Variants in PCDHGA5 observed in about 807,000 individuals in gnomAD.
PCDHGA5 encodes the protein protocadherin gamma subfamily A, 5, also known as protocadherin gamma-A5.
A neutral mutation model predicts 56.7 loss-of-function variants in PCDHGA5; 36 were observed. The observed-to-expected ratio is 0.64, with a 90% CI of 0.49 to 0.84. The LOEUF (loss-of-function observed/expected upper bound fraction) is 0.84. Among genes scored for constraint, PCDHGA5 ranks in the 40% least tolerant of loss-of-function variants. The probability of loss-of-function intolerance (pLI) is 0.00; values close to 1 mark genes in which losing one functional copy is unlikely to be tolerated. For synonymous variants in PCDHGA5, 563 were observed against 520.2 expected, an observed-to-expected ratio of 1.08 and a Z score of -1.12; for missense variants, 1,305 against 1,201.5, an observed-to-expected ratio of 1.09 and a Z score of -1.27.
chr5:141,432,560 A>C lies in PCDHGA5; in HGVS notation c.2422-62247A>C. The C allele has an allele frequency of 2.5e-6, 4 of 1,613,600 alleles. No individual in the cohort carries two copies. Among genetic ancestry groups the C allele is most frequent in the Non-Finnish European group, 3.4e-6 (4 of 1,179,962 alleles). ...GGCGGTGGACAGAGACTCCGGCCAG[A>C]ACGCCTGGCTGTCCTACCGTCTGCT... On this transcript the variant is annotated intron_variant, in intron 1 of 3. Transcript: ENST00000518069. The surrounding 1 kb of genome is among the most constrained non-coding windows in gnomAD (Gnocchi z 6.0).
chr5:141,478,323 G>C, intron 1 of PCDHGA5: 1 of 1,613,958 alleles, frequency 6.2e-7, no homozygotes, highest in Non-Finnish European at 8.5e-7. Flanking sequence ...TCACTGTACC[G>C]AACACCAGGG....
Position 141,366,244 on chromosome 5 carries a change from C to A in PCDHGA5, c.1914C>A (p.Leu638=). 1 of 1,613,770 alleles carries A rather than the reference C, an allele frequency of 6.2e-7. No homozygotes were observed. Among genetic ancestry groups the A allele is most frequent in the Non-Finnish European group, 8.5e-7 (1 of 1,180,036 alleles). Residue 638 remains leucine (L), a synonymous_variant, in exon 1 of 4, where the codon CTC becomes CTA. Coordinates refer to ENST00000518069, the MANE Select transcript of PCDHGA5 (RefSeq NM_018918.3). The part of the protein sequence containing the change: ...TARALLDRDA[L]KQSLVVAVED... ...GAGCCCTGCTGGACAGAGACGCGCTCAAGCAGAGCCTCGTGGTGGCCGTCG... is the reference window on the plus strand; with the variant it reads ...GAGCCCTGCTGGACAGAGACGCGCTAAAGCAGAGCCTCGTGGTGGCCGTCG...
intron 1 of PCDHGA5, chr5:141,421,478 G>C: frequency 6.2e-7 from 1 of 1,614,130 alleles, no homozygotes. Context: ...CGAAGCGGCA[G>C]CTTGATCACG....
At chr5:141,410,022 A>C (rs557770094) in intron 1 of PCDHGA5, 2 of 1,613,094 alleles carry the variant, frequency 1.2e-6, no homozygotes, top group South Asian at 2.2e-5. Context: ...CTGTCCTACC[A>C]CGTGCTGCAG....
At chr5:141,419,630 G>T in intron 1 of PCDHGA5, 2 of 1,612,430 alleles carry the variant, frequency 1.2e-6, no homozygotes, top group African/African-American at 1.3e-5. Flanking sequence ...GGTGACCAAG[G>T]TGGTGGCCGT....
At chr5:141,433,099 C>T (rs1003269683) in intron 1 of PCDHGA5, 1 of 1,614,190 alleles carries the variant, frequency 6.2e-7, no homozygotes, top group Non-Finnish European at 8.5e-7. Context: ...ACATGCTCGT[C>T]AGCCAGGAGA....
chr5:141,464,707 A>G (rs1052234067), intron 1 of PCDHGA5, among the ~76,000 whole-genome samples: 13 of 152,112 alleles, frequency 8.5e-5, no homozygotes, highest in African/African-American at 3.1e-4. Flanking sequence ...ATGAGGTTAA[A>G]TAGTTTTTCA....
chr5:141,421,328 A>G (rs1355932974), intron 1 of PCDHGA5: 1 of 1,613,902 alleles, frequency 6.2e-7, no homozygotes. Flanking sequence ...CAGATCCGAT[A>G]TTCGGTGCCA....
Position 141,389,814 on chromosome 5 carries a change from G to C in PCDHGA5, c.2421+23063G>C, listed in dbSNP as rs753211260. 2.0e-5 allele frequency: 32 copies of C among 1,613,868 alleles called. No individual in the cohort carries two copies. In the Admixed American group the frequency reaches 5.0e-4, roughly 25 times the overall value. ...CGTCCGCCAGCGCCTTCTGGTCGCCGTGCGTGACGGTGGACAGCCACCACT... is the reference window on the plus strand; with the variant it reads ...CGTCCGCCAGCGCCTTCTGGTCGCCCTGCGTGACGGTGGACAGCCACCACT... On this transcript the variant is annotated intron_variant, in intron 1 of 3. Transcript: ENST00000518069.
chr5:141,490,497 C>T lies in PCDHGA5; in HGVS notation c.2422-4310C>T. 8 of 1,614,196 alleles carry T rather than the reference C, an allele frequency of 5.0e-6. No individual in the cohort carries two copies. Among genetic ancestry groups the T allele is most frequent in the Non-Finnish European group, 6.8e-6 (8 of 1,180,038 alleles). ...CTTTGGACCGGGAGGCCACATCCCACTATATCATCGAGCTGCTGGCCAGCG... is the reference window on the plus strand; with the variant it reads ...CTTTGGACCGGGAGGCCACATCCCATTATATCATCGAGCTGCTGGCCAGCG... On this transcript the variant is annotated intron_variant, in intron 1 of 3. Transcript: ENST00000518069. The surrounding 1 kb of genome is among the most constrained non-coding windows in gnomAD (Gnocchi z 5.4).
At position 141,493,356 on chromosome 5, in the gene PCDHGA5, C is replaced by A. The variant is rs1303319550; in HGVS notation, c.2422-1451C>A. Among the ~76,000 whole-genome samples, 1 of 152,182 alleles carries A rather than the reference C, an allele frequency of 6.6e-6. No individual in the cohort carries two copies. The highest frequency in any genetic ancestry group is 2.4e-5 in the African/African-American group (1 of 41,438). On this transcript the variant is annotated intron_variant, in intron 1 of 3. Transcript: ENST00000518069. This position sits in a 1 kb window ranked among gnomAD's most constrained non-coding sequence, Gnocchi z 4.3. ...ACTCCAGAATGTGTGCTTTTAATTT[C>A]TTGGCACTTGGAACTTTAAAAGCTT...
At chr5:141,421,184 C>T (rs2096551183) in intron 1 of PCDHGA5, 4 of 1,457,822 alleles carry the variant, frequency 2.7e-6, no homozygotes, top group Non-Finnish European at 3.7e-6. Context: ...CGATTCACAA[C>T]CAACCAGCTC....
rs753936459 is a variant in PCDHGA5 at position 141,501,288 on chromosome 5, TATAC to T, written c.2481-4103_2481-4100del. Among the ~76,000 whole-genome samples the T allele has an allele frequency of 4.5e-4, 37 of 81,322 alleles. No homozygotes were observed. The South Asian group carries it at 5.1e-3, about 11-fold the overall frequency. 53.4% of individuals were successfully genotyped at this position (81,322 alleles called of 152,430 possible). A position where few individuals can be genotyped will look rare whatever the true frequency, so the allele number is the denominator to read the frequency against. ...TAGTCCAGTCTATGGGATATTCCCT[TATAC>T]ACACACACACACACACACACACACA... On this transcript the variant is annotated intron_variant, in intron 2 of 3. Coordinates refer to ENST00000518069, the MANE Select transcript of PCDHGA5 (RefSeq NM_018918.3).
chr5:141,469,394 G>A lies in PCDHGA5; in HGVS notation c.2422-25413G>A, dbSNP rs550152670. Among the ~76,000 whole-genome samples the A allele has an allele frequency of 2.5e-4, 38 of 152,198 alleles. 1 individual carries two copies. The highest frequency in any genetic ancestry group is 8.4e-4 in the African/African-American group (35 of 41,514). On this transcript the variant is annotated intron_variant, in intron 1 of 3. Coordinates refer to ENST00000518069, the MANE Select transcript of PCDHGA5 (RefSeq NM_018918.3). ...GATCGAGACCATCCTGGCCAACATG[G>A]TGAAACCCCGTTTCTACTAAAAATA...
Position 141,490,270 on chromosome 5 carries a change from A to G in PCDHGA5, c.2422-4537A>G. On this transcript the variant is annotated intron_variant, in intron 1 of 3. Coordinates refer to ENST00000518069, the MANE Select transcript of PCDHGA5 (RefSeq NM_018918.3). The surrounding 1 kb of genome is among the most constrained non-coding windows in gnomAD (Gnocchi z 5.4). The stretch of plus-strand genomic sequence containing the variant: ...GATTCAAGTGGATGTGGGGGATGTC[A>G]ATGACAATGCCCCAGAGGTGCTATT... The G allele has an allele frequency of 6.2e-7, 1 of 1,614,226 alleles. No individual in the cohort carries two copies. Among genetic ancestry groups the G allele is most frequent in the African/African-American group, 1.3e-5 (1 of 75,060 alleles).
rs1425295626 is a variant in PCDHGA5 at position 141,477,940 on chromosome 5, C to T, written c.2422-16867C>T. On this transcript the variant is annotated intron_variant, in intron 1 of 3. Coordinates refer to ENST00000518069, the MANE Select transcript of PCDHGA5 (RefSeq NM_018918.3). This position sits in a 1 kb window ranked among gnomAD's most constrained non-coding sequence, Gnocchi z 4.9. ...CAGGGCACAATGCCTGGCTCTCCTA[C>T]AGTCTCTTGGGATCCCCTAACCAGA... The T allele has an allele frequency of 6.2e-7, 1 of 1,614,178 alleles. No homozygotes were observed. Among genetic ancestry groups the T allele is most frequent in the South Asian group, 1.1e-5 (1 of 91,084 alleles).
chr5:141,503,506 G>A (rs2099820313), intron 2 of PCDHGA5, among the ~76,000 whole-genome samples: 1 of 151,616 alleles, frequency 6.6e-6, no homozygotes, highest in African/African-American at 2.4e-5. Context: ...GGCTGAGGCA[G>A]GAGAATCACT....
At chr5:141,375,947 C>A in intron 1 of PCDHGA5, 2 of 1,613,578 alleles carry the variant, frequency 1.2e-6, no homozygotes, top group Non-Finnish European at 8.5e-7. Context: ...AGTGGGCCTG[C>A]ACACGGGCGA....
rs1491285973 is a variant in PCDHGA5, at chr5:141,415,739, GGT to G, written c.2421+48989_2421+48990del. 5.5e-5 allele frequency: 24 copies of G among 435,136 alleles called. No individual in the cohort carries two copies. The African/African-American group carries it at 7.2e-4, about 13-fold the overall frequency. 27.0% of individuals were successfully genotyped at this position (435,136 alleles called of 1,614,324 possible). A position where few individuals can be genotyped will look rare whatever the true frequency, so the allele number is the denominator to read the frequency against. On this transcript the variant is annotated intron_variant, in intron 1 of 3. Transcript: ENST00000518069. Reference sequence around the variant, plus strand: ...ATGAGTAGAATTTGATGTTTATTAAGGTTTTTTTTTTTTTTTTTTTTTTTTTT... The same window carrying G: ...ATGAGTAGAATTTGATGTTTATTAAGTTTTTTTTTTTTTTTTTTTTTTTTT...
Sources: gnomAD v4.1 joint callset for allele counts (sites outside exome capture counted in the v4.1 genomes callset) on GRCh38, gnomAD v4.1.1 for gene constraint, Gnocchi (gnomAD v3.1) non-coding constraint, MANE v1.5 for transcripts, NCBI Gene and HGNC (gene_info 2026-07-23, HGNC 2026-07-21) for gene names.